The following PMVK variants were observed in gnomAD, a reference collection of about 807,000 sequenced individuals.
The protein encoded by PMVK is phosphomevalonate kinase, also known as testis tissue sperm-binding protein Li 95mP.
In PMVK, 10 loss-of-function variants were observed where a neutral mutation model predicts 19.0. That is an observed-to-expected ratio of 0.53 (90% CI 0.32 to 0.89). PMVK has a LOEUF of 0.89. Among genes scored for constraint, PMVK ranks in the 40% least tolerant of loss-of-function variants. PMVK has a pLI of 0.03. For missense variants in PMVK, 222 were observed against 251.1 expected (o/e 0.88, Z 0.78); for synonymous variants, 108 against 101.6 (o/e 1.06, Z -0.38).
intron 1 of PMVK, among the ~76,000 whole-genome samples, chr1:154,934,250 C>T (rs1654431707): frequency 6.6e-6 from 1 of 152,182 alleles, no homozygotes; most frequent in African/African-American, 2.4e-5. Flanking sequence ...CCACCCTTCT[C>T]GGCCTCTCAA....
intron 1 of PMVK, among the ~76,000 whole-genome samples, chr1:154,935,558 G>T (rs1041101358): frequency 6.6e-6 from 1 of 151,954 alleles, no homozygotes; most frequent in Middle Eastern, 3.2e-3. Context: ...ATTTGTTTGG[G>T]TTTTTTTTCT....
intron 3 of PMVK, among the ~76,000 whole-genome samples, chr1:154,927,650 G>T (rs1388343932): frequency 7.4e-6 from 1 of 134,736 alleles, no homozygotes; most frequent in Non-Finnish European, 1.5e-5. Flanking sequence ...GTCCGCCCTG[G>T]GAAGTCTGAC....
Position 154,936,607 on chromosome 1 carries a change from C to A in PMVK, c.79G>T (p.Glu27Ter), listed in dbSNP as rs373000976. 8.2e-5 allele frequency: 132 copies of A among 1,606,130 alleles called. No individual in the cohort carries two copies. Among genetic ancestry groups the A allele is most frequent in the Admixed American group, 5.9e-4 (35 of 59,020 alleles). The change falls in exon 1 of 5, where the codon GAG becomes TAG. Residue 27 changes from glutamate (E) to a stop codon, truncating the protein, a stop_gained. Coordinates refer to ENST00000368467, the MANE Select transcript of PMVK (RefSeq NM_006556.4). LOFTEE classifies it high-confidence loss of function. Reference sequence around the variant, plus strand: ...CACGGACACCTGCTCTGCAGCGCCTCGGTCACGAAGTCCTTCCCGGATTTC... The same window carrying A: ...CACGGACACCTGCTCTGCAGCGCCTAGGTCACGAAGTCCTTCCCGGATTTC... ...KRKSGKDFVT[E>*]ALQSRLGADV...
intron 1 of PMVK, among the ~76,000 whole-genome samples, chr1:154,934,316 T>C (rs914759185): frequency 6.6e-6 from 1 of 152,134 alleles, no homozygotes. Flanking sequence ...TTCTTTGTTT[T>C]GTTTTGGTTT....
rs17356361 is a variant in PMVK at position 154,936,693 on chromosome 1, C to T, written c.-8G>A. The T allele has an allele frequency of 0.031, 49,360 of 1,596,866 alleles. 848 individuals carry two copies. Among genetic ancestry groups the T allele is most frequent in the Non-Finnish European group, 0.035 (40,969 of 1,171,916 alleles). ...GCCTCCCAGCGGGGCCATGGGGCCG[C>T]CACGCCTCGCGATGCCTGAAGCTGA... On this transcript the variant is annotated 5_prime_UTR_variant, in exon 1 of 5. Coordinates refer to ENST00000368467, the MANE Select transcript of PMVK (RefSeq NM_006556.4).
At chr1:154,927,218 A>T (rs1654191115) in intron 3 of PMVK, among the ~76,000 whole-genome samples, 1 of 152,024 alleles carries the variant, frequency 6.6e-6, no homozygotes, top group Admixed American at 6.6e-5. Flanking sequence ...TGGGAGGCCG[A>T]GGTGGGTGGT....
chr1:154,936,542 C>A, intron 1 of PMVK, 49 bp downstream of exon 1: 2 of 1,556,678 alleles, frequency 1.3e-6, no homozygotes, highest in South Asian at 2.4e-5. Flanking sequence ...CTCCTCGTGT[C>A]ACGTGATGCG....
At position 154,924,868 on chromosome 1, in the gene PMVK, G is replaced by A. The variant is rs1654090248; in HGVS notation, c.*261C>T. ...TGAGGGGACTGGCACTGGGGATATG[G>A]CAGGGTTTCGCCTTCAAGCACAGCC... On this transcript the variant is annotated 3_prime_UTR_variant, in exon 5 of 5. Coordinates refer to ENST00000368467, the MANE Select transcript of PMVK (RefSeq NM_006556.4). The A allele has an allele frequency of 4.1e-6, 2 of 481,978 alleles. No individual in the cohort carries two copies. Among genetic ancestry groups the A allele is most frequent in the East Asian group, 3.7e-5 (1 of 27,056 alleles). 29.9% of individuals were successfully genotyped at this position (481,978 alleles called of 1,614,324 possible). A position where few individuals can be genotyped will look rare whatever the true frequency, so the allele number is the denominator to read the frequency against.
chr1:154,929,462 A>C (rs1408971072), intron 2 of PMVK, among the ~76,000 whole-genome samples: 1 of 152,086 alleles, frequency 6.6e-6, no homozygotes, highest in Non-Finnish European at 1.5e-5. Flanking sequence ...TACCTTCCCA[A>C]TTATTTCTGG....
chr1:154,932,281 C>G, intron 2 of PMVK, 71 bp downstream of exon 2: 1 of 1,087,786 alleles, frequency 9.2e-7, no homozygotes, highest in Non-Finnish European at 1.4e-6. Context: ...GTGACTCAGG[C>G]AGCAGCCACA....
intron 3 of PMVK, among the ~76,000 whole-genome samples, 185 bp from the exon 4 acceptor site, chr1:154,926,668 T>C (rs1020470644): frequency 6.6e-6 from 1 of 152,196 alleles, no homozygotes; most frequent in Non-Finnish European, 1.5e-5. Context: ...CACTGAGTGC[T>C]GACTACATGT....
upstream of PMVK, among the ~76,000 whole-genome samples, chr1:154,938,645 A>G (rs866766388): frequency 6.6e-6 from 1 of 152,044 alleles, no homozygotes; most frequent in Admixed American, 6.6e-5. Flanking sequence ...GTATGCCTCA[A>G]CTGAACTCCA....
upstream of PMVK, among the ~76,000 whole-genome samples, chr1:154,938,872 GTTCATT>G (rs1466687893): frequency 6.6e-6 from 1 of 152,144 alleles, no homozygotes; most frequent in Non-Finnish European, 1.5e-5. Context: ...AATCCTGGTG[GTTCATT>G]TTCATTTTCT....
At chr1:154,925,631 G>A (rs529206193) in intron 4 of PMVK, among the ~76,000 whole-genome samples, 1 of 152,332 alleles carries the variant, frequency 6.6e-6, no homozygotes, top group African/African-American at 2.4e-5. Flanking sequence ...AATCCCCTCA[G>A]GAGGCAGCAT....
Position 154,924,837 on chromosome 1 carries a change from A to G in PMVK, c.*292T>C, listed in dbSNP as rs1654089203. The G allele has an allele frequency of 1.3e-5, 5 of 396,694 alleles. No individual in the cohort carries two copies. The highest frequency in any genetic ancestry group is 2.4e-5 in the Non-Finnish European group (5 of 212,690). 24.6% of individuals were successfully genotyped at this position (396,694 alleles called of 1,614,324 possible). On this transcript the variant is annotated 3_prime_UTR_variant, in exon 5 of 5. Coordinates refer to ENST00000368467, the MANE Select transcript of PMVK (RefSeq NM_006556.4). Reference sequence around the variant, plus strand: ...CATCCAGTCAGGATGCAAGGCCACCACAGGCTGAGGGGACTGGCACTGGGG... The same window carrying G: ...CATCCAGTCAGGATGCAAGGCCACCGCAGGCTGAGGGGACTGGCACTGGGG...
intron 1 of PMVK, 146 bp from the exon 2 acceptor site, chr1:154,932,561 C>T: frequency 1.7e-6 from 1 of 576,576 alleles, no homozygotes; most frequent in Non-Finnish European, 3.1e-6. Flanking sequence ...GTCCCTGATC[C>T]TGTTTCCTCA....
intron 2 of PMVK, among the ~76,000 whole-genome samples, chr1:154,930,292 T>C (rs1163314564): frequency 6.6e-6 from 1 of 152,100 alleles, no homozygotes; most frequent in African/African-American, 2.4e-5. Flanking sequence ...ACCATGTCTC[T>C]ACTAAAAATA....
chr1:154,926,536 G>A (rs978399907), intron 3 of PMVK, 53 bp from the exon 4 acceptor site: 2 of 1,568,374 alleles, frequency 1.3e-6, no homozygotes, highest in African/African-American at 2.7e-5. Flanking sequence ...TAGAAGTGAG[G>A]GGAGGTGGGA....
At chr1:154,934,668 T>C (rs1304766315) in intron 1 of PMVK, among the ~76,000 whole-genome samples, 1 of 152,182 alleles carries the variant, frequency 6.6e-6, no homozygotes, top group African/African-American at 2.4e-5. Flanking sequence ...TTCCTGCACC[T>C]CTGCTAGGTG....
Sources: allele counts gnomAD v4.1 joint callset (sites outside exome capture counted in the v4.1 genomes callset), GRCh38; gene constraint gnomAD v4.1.1; transcripts MANE v1.5; gene names NCBI Gene and HGNC (gene_info 2026-07-23, HGNC 2026-07-21).